The following CRTC1 variants were observed in gnomAD, a reference collection of about 807,000 sequenced individuals.
CRTC1 encodes the protein CREB-regulated transcription coactivator 1.
A neutral mutation model predicts 66.1 loss-of-function variants in CRTC1; 18 were observed. That is an observed-to-expected ratio of 0.27 (90% CI 0.19 to 0.40). The LOEUF (loss-of-function observed/expected upper bound fraction) is 0.40. Ranked by LOEUF, CRTC1 falls within the 10% of genes least tolerant of loss-of-function variation. The pLI is 1.00. For synonymous variants in CRTC1, 416 were observed against 398.8 expected, an observed-to-expected ratio of 1.04 and a Z score of -0.51; for missense variants, 669 against 887.9, an observed-to-expected ratio of 0.75 and a Z score of 3.13.
intron 1 of CRTC1, among the ~76,000 whole-genome samples, chr19:18,710,553 G>T (rs1568489756): frequency 6.6e-6 from 1 of 152,204 alleles, no homozygotes; most frequent in Non-Finnish European, 1.5e-5. Flanking sequence ...TCAGAGGGTA[G>T]CGAGGGTCAC....
chr19:18,747,129 A>ACACCCCCC lies in CRTC1; in HGVS notation c.443+16_443+17insACCCCCCC. The ACACCCCCC allele has an allele frequency of 9.0e-7, 1 of 1,106,732 alleles. No individual in the cohort carries two copies. The allele number at this position is 1,106,732 out of a possible 1,614,324, so 68.6% of individuals were successfully genotyped here. ...AGCTGGAGAAGGTCAGTGGCTGGACACCCCCCCCCCGCCCCCTTCTTGTTG... is the reference window on the plus strand; with the variant it reads ...AGCTGGAGAAGGTCAGTGGCTGGACACACCCCCCCCCCCCCCCCGCCCCCTTCTTGTTG... On this transcript the variant is annotated intron_variant, in intron 4 of 13. Transcript: ENST00000321949.
At chr19:18,684,762 C>G (rs2052647994) in intron 1 of CRTC1, among the ~76,000 whole-genome samples, 1 of 152,158 alleles carries the variant, frequency 6.6e-6, no homozygotes, top group Admixed American at 6.5e-5. Context: ...TTCTGCCAGG[C>G]TCCTGTCTGG....
In CRTC1 at chr19:18,764,346, G is replaced by A. The variant is rs2054681236; in HGVS notation, c.887-1058G>A. On this transcript the variant is annotated intron_variant, in intron 8 of 13. Coordinates refer to ENST00000321949, the MANE Select transcript of CRTC1 (RefSeq NM_015321.3). ...GGCCTCACTTTGAACCGGAGAGGGC[G>A]GCTGTTATCGTCGCCATCTCACCAA... 2.0e-5 allele frequency among the ~76,000 whole-genome samples: 3 copies of A among 152,324 alleles called. No homozygotes were observed. The South Asian group carries it at 6.2e-4, about 32-fold the overall frequency.
rs56040769 is a variant in CRTC1 at position 18,747,129 on chromosome 19, AC to A, written c.443+25del. 93,229 of 969,690 alleles carry A rather than the reference AC, an allele frequency of 0.096. 8 individuals carry two copies. The highest frequency in any genetic ancestry group is 0.13 in the East Asian group (3,341 of 26,210). The allele number at this position is 969,690 out of a possible 1,614,324, so 60.1% of individuals were successfully genotyped here. A position where few individuals can be genotyped will look rare whatever the true frequency, so the allele number is the denominator to read the frequency against. On this transcript the variant is annotated intron_variant, in intron 4 of 13. Coordinates refer to ENST00000321949, the MANE Select transcript of CRTC1 (RefSeq NM_015321.3). ...AGCTGGAGAAGGTCAGTGGCTGGAC[AC>A]CCCCCCCCCGCCCCCTTCTTGTTGG...
chr19:18,768,465 G>T lies in CRTC1; in HGVS notation c.1012-20G>T. ...CTGACAACCAGGGCCCGCCCTGCCT[G>T]ACGCTCTCCTCTCCTGCAGGCTGTA... On this transcript the variant is annotated intron_variant, in intron 9 of 13. Coordinates refer to ENST00000321949, the MANE Select transcript of CRTC1 (RefSeq NM_015321.3). The surrounding 1 kb of genome is among the most constrained non-coding windows in gnomAD (Gnocchi z 5.6). 1 of 1,604,642 alleles carries T rather than the reference G, an allele frequency of 6.2e-7. No individual in the cohort carries two copies.
In CRTC1 at chr19:18,725,319, A is replaced by G. The variant is rs113473000; in HGVS notation, c.127-17591A>G. Reference sequence around the variant, plus strand: ...CAGCACCCCTTAGGTGGCTTGATCCATCTCAGTTGTCCCTCCCTGTGGCCT... The same window carrying G: ...CAGCACCCCTTAGGTGGCTTGATCCGTCTCAGTTGTCCCTCCCTGTGGCCT... On this transcript the variant is annotated intron_variant, in intron 1 of 13. Transcript: ENST00000321949. Among the ~76,000 whole-genome samples, 202 of 151,932 alleles carry G rather than the reference A, an allele frequency of 1.3e-3. 1 individual carries two copies. Among genetic ancestry groups the G allele is most frequent in the African/African-American group, 4.5e-3 (186 of 41,426 alleles).
At chr19:18,715,906 C>G (rs1463468191) in intron 1 of CRTC1, among the ~76,000 whole-genome samples, 2 of 152,204 alleles carry the variant, frequency 1.3e-5, no homozygotes, top group Non-Finnish European at 2.9e-5. Flanking sequence ...CCTGCCACTG[C>G]TTGTGGTTGG....
intron 4 of CRTC1, 65 bp from the exon 5 acceptor site, chr19:18,749,716 G>A (rs1157837142): frequency 7.4e-7 from 1 of 1,352,178 alleles, no homozygotes; most frequent in Non-Finnish European, 1.1e-6. Context: ...TCCCAGCTGG[G>A]ATCAGGACTA....
intron 1 of CRTC1, among the ~76,000 whole-genome samples, chr19:18,684,944 A>G (rs1275322360): frequency 1.3e-5 from 2 of 152,102 alleles, no homozygotes; most frequent in African/African-American, 4.8e-5. Context: ...ACACTCTGCA[A>G]AGGTGATGCT....
intron 9 of CRTC1, among the ~76,000 whole-genome samples, chr19:18,767,298 C>T (rs890392418): frequency 6.6e-6 from 1 of 151,928 alleles, no homozygotes; most frequent in African/African-American, 2.4e-5. Flanking sequence ...CTCCCAGGTT[C>T]AAGCGATTTT....
chr19:18,742,385 G>A lies in CRTC1; in HGVS notation c.127-525G>A, dbSNP rs182209881. ...CTCTAGAACTCAAGCTGGGTCTGGG[G>A]GACTGACTTGGCTGCCCTGGCTCTG... is the stretch of plus-strand genomic sequence containing the variant. On this transcript the variant is annotated intron_variant, in intron 1 of 13. Coordinates refer to ENST00000321949, the MANE Select transcript of CRTC1 (RefSeq NM_015321.3). Among the ~76,000 whole-genome samples the A allele has an allele frequency of 1.9e-3, 287 of 152,294 alleles. 2 individuals are homozygous for A. The highest frequency in any genetic ancestry group is 6.6e-3 in the African/African-American group (276 of 41,558).
intron 1 of CRTC1, among the ~76,000 whole-genome samples, chr19:18,713,594 G>C (rs920657498): frequency 2.2e-5 from 1 of 44,642 alleles, no homozygotes; most frequent in Admixed American, 2.3e-4. Context: ...CAATGTTACT[G>C]GGCCTGTTGT....
At chr19:18,744,193 G>A in intron 2 of CRTC1, 1 of 1,600,578 alleles carries the variant, frequency 6.2e-7, no homozygotes, top group Non-Finnish European at 8.5e-7. Context: ...GGCGTCCCCG[G>A]CGCCAGCCTG....
At chr19:18,756,334 C>CAAAAAAA (rs56092227) in intron 6 of CRTC1, among the ~76,000 whole-genome samples, 1 of 73,200 alleles carries the variant, frequency 1.4e-5, no homozygotes, top group Non-Finnish European at 2.3e-5. Context: ...AACTCCATCT[C>CAAAAAAA]AAAAAAAAAA....
chr19:18,700,532 A>C (rs532915162), intron 1 of CRTC1, among the ~76,000 whole-genome samples: 2 of 152,148 alleles, frequency 1.3e-5, no homozygotes. Flanking sequence ...AAAATAAAGA[A>C]ATCATTTATG....
Position 18,777,225 on chromosome 19 carries a change from G to C in CRTC1, c.1748G>C (p.Gly583Ala), listed in dbSNP as rs1487645484. ...LSKELTSSLA[G>A]VGDVSFDSDS... ...AAAGAACTGACCAGCTCTCTGGCCG[G>C]GGTCGGCGACGTCAGCTTCGACTCC... Residue 583 changes from glycine (G) to alanine (A), a missense_variant, in exon 14 of 14, where the codon GGG becomes GCG. Gly to Ala is a moderately conservative substitution (Grantham distance 60). Around this residue, in one of 8 missense-constraint regions of CRTC1, gnomAD observed 91 missense variants for 99.1 expected, o/e 0.92. Coordinates refer to ENST00000321949, the MANE Select transcript of CRTC1 (RefSeq NM_015321.3). The surrounding 1 kb of genome is among the most constrained non-coding windows in gnomAD (Gnocchi z 5.5). 6.2e-7 allele frequency: 1 copy of C among 1,610,756 alleles called. No individual in the cohort carries two copies. The highest frequency in any genetic ancestry group is 8.5e-7 in the Non-Finnish European group (1 of 1,179,812).
rs1162496497 is a variant in CRTC1 at position 18,771,986 on chromosome 19, CT to C, written c.1425+442del. Among the ~76,000 whole-genome samples the C allele has an allele frequency of 6.6e-6, 1 of 152,192 alleles. No individual in the cohort carries two copies. The highest frequency in any genetic ancestry group is 1.5e-5 in the Non-Finnish European group (1 of 68,018). On this transcript the variant is annotated intron_variant, in intron 11 of 13. Coordinates refer to ENST00000321949, the MANE Select transcript of CRTC1 (RefSeq NM_015321.3). This position sits in a 1 kb window ranked among gnomAD's most constrained non-coding sequence, Gnocchi z 4.6. Reference sequence around the variant, plus strand: ...GCTGACTCTGCAGCCCTGCTTTCCCCTTCACCCCATAGGCAGCTGTGTTTCT... The same window carrying C: ...GCTGACTCTGCAGCCCTGCTTTCCCCTCACCCCATAGGCAGCTGTGTTTCT...
intron 8 of CRTC1, among the ~76,000 whole-genome samples, chr19:18,761,267 G>A (rs1156569253): frequency 6.6e-6 from 1 of 152,216 alleles, no homozygotes; most frequent in Non-Finnish European, 1.5e-5. Context: ...CTTAGCTGTT[G>A]CCTGCGTCCC....
At chr19:18,775,540 C>G (rs1189363971) in intron 12 of CRTC1, 101 bp from the exon 13 acceptor site, 2 of 1,091,302 alleles carry the variant, frequency 1.8e-6, no homozygotes, top group Non-Finnish European at 2.6e-6. Flanking sequence ...GGGACAGAGT[C>G]CCCAGCTGCG....
Sources: allele counts gnomAD v4.1 joint callset (sites outside exome capture counted in the v4.1 genomes callset), GRCh38; gene constraint gnomAD v4.1.1; regional missense constraint gnomAD v4.1.1; non-coding constraint Gnocchi (gnomAD v3.1); transcripts MANE v1.5; gene names NCBI Gene and HGNC (gene_info 2026-07-23, HGNC 2026-07-21).